YWHAZ: variants seen among roughly 807,000 people sequenced by gnomAD.
The protein encoded by YWHAZ is 14-3-3 protein zeta/delta.
For missense variants in YWHAZ, 79 were observed against 284.8 expected (o/e 0.28, Z 5.20); for synonymous variants, 87 against 103.6 (o/e 0.84, Z 0.97).
intron 2 of YWHAZ, among the ~76,000 whole-genome samples, chr8:100,933,643 G>A (rs545937311): frequency 6.6e-6 from 1 of 152,270 alleles, no homozygotes; most frequent in African/African-American, 2.4e-5. Context: ...TACATTGTCT[G>A]TACAGATAGT....
At chr8:100,925,647 A>C (rs1201102354) in intron 2 of YWHAZ, among the ~76,000 whole-genome samples, 1 of 152,230 alleles carries the variant, frequency 6.6e-6, no homozygotes, top group Admixed American at 6.5e-5. Flanking sequence ...GCAGACCTTT[A>C]ATCTCATTGA....
intron 2 of YWHAZ, among the ~76,000 whole-genome samples, chr8:100,945,386 A>C (rs1810192042): frequency 6.6e-6 from 1 of 152,210 alleles, no homozygotes; most frequent in Admixed American, 6.5e-5. Flanking sequence ...TTTTGTAGGA[A>C]GAAAGTTTAT....
At chr8:100,945,402 T>C (rs1317889342) in intron 2 of YWHAZ, among the ~76,000 whole-genome samples, 2 of 152,168 alleles carry the variant, frequency 1.3e-5, no homozygotes, top group Non-Finnish European at 1.5e-5. Flanking sequence ...TTTATTTTCA[T>C]AGCTATTATA....
intron 2 of YWHAZ, among the ~76,000 whole-genome samples, chr8:100,927,872 C>G (rs1813471946): frequency 6.6e-6 from 1 of 152,136 alleles, no homozygotes; most frequent in Admixed American, 6.5e-5. Flanking sequence ...TTGTTAGAAC[C>G]CACAAGTAAC....
In YWHAZ at chr8:100,948,320, ATTAGT is replaced by A. The variant is rs1417287973; in HGVS notation, c.294+271_294+275del. Among the ~76,000 whole-genome samples, 1 of 152,232 alleles carries A rather than the reference ATTAGT, an allele frequency of 6.6e-6. No individual in the cohort carries two copies. Among genetic ancestry groups the A allele is most frequent in the Non-Finnish European group, 1.5e-5 (1 of 68,036 alleles). On this transcript the variant is annotated intron_variant, in intron 2 of 5. Coordinates refer to ENST00000395958, the MANE Select transcript of YWHAZ (RefSeq NM_145690.3). The surrounding 1 kb of genome is among the most constrained non-coding windows in gnomAD (Gnocchi z 4.2). ...TAACCATAAGTAAAACAGTAACACA[ATTAGT>A]TTATATTTTCAATTAATATAAAATA...
intron 2 of YWHAZ, among the ~76,000 whole-genome samples, chr8:100,928,515 T>C (rs1813524663): frequency 6.6e-6 from 1 of 152,016 alleles, no homozygotes; most frequent in South Asian, 2.1e-4. Context: ...GTGGATCACC[T>C]GAGGTCAGGA....
chr8:100,948,017 G>T lies in YWHAZ; in HGVS notation c.294+579C>A. ...TACTTAAAATACTCGATTCAAACTG[G>T]AAAATCAAGCTTGAGTTGTTCATAA... On this transcript the variant is annotated intron_variant, in intron 2 of 5. Transcript: ENST00000395958. The surrounding 1 kb of genome is among the most constrained non-coding windows in gnomAD (Gnocchi z 4.2). 7.7e-7 allele frequency: 1 copy of T among 1,302,834 alleles called. No homozygotes were observed. The highest frequency in any genetic ancestry group is 1.3e-5 in the South Asian group (1 of 74,492). The allele number at this position is 1,302,834 out of a possible 1,614,324, so 80.7% of individuals were successfully genotyped here.
chr8:100,920,679 A>G lies in YWHAZ; in HGVS notation c.*14T>C, dbSNP rs201110733. On this transcript the variant is annotated 3_prime_UTR_variant, in exon 6 of 6. Coordinates refer to ENST00000395958, the MANE Select transcript of YWHAZ (RefSeq NM_145690.3). ...TAAATTTTAGAATGAGGCAGACAAA[A>G]GTTGGAAGGCCGGTTAATTTTCCCC... 6.8e-4 allele frequency: 1,087 copies of G among 1,598,694 alleles called. 2 individuals carry two copies. Among genetic ancestry groups the G allele is most frequent in the Non-Finnish European group, 8.6e-4 (1,008 of 1,169,116 alleles).
intron 2 of YWHAZ, among the ~76,000 whole-genome samples, chr8:100,940,051 A>AGACT (rs1403298614): frequency 7.3e-6 from 1 of 136,664 alleles, no homozygotes; most frequent in Non-Finnish European, 1.6e-5. Flanking sequence ...GGACAGAGCG[A>AGACT]GACTCCGTCT....
At chr8:100,934,817 C>G (rs1040306232) in intron 2 of YWHAZ, 32 of 152,178 alleles carry the variant, frequency 2.1e-4, no homozygotes, top group African/African-American at 7.5e-4. Context: ...TTACTTTGCA[C>G]ATAAATTCCC....
Position 100,929,659 on chromosome 8 carries a change from ATTCTAAGGGAAGTC to A in YWHAZ, c.295-4634_295-4621del, listed in dbSNP as rs202213457. ...ATTTTTGTACACGTGGTCTTTTTCA[ATTCTAAGGGAAGTC>A]AGAGTTCACAGAATTAATTTAATGG... On this transcript the variant is annotated intron_variant, in intron 2 of 5. Coordinates refer to ENST00000395958, the MANE Select transcript of YWHAZ (RefSeq NM_145690.3). Among the ~76,000 whole-genome samples the A allele has an allele frequency of 5.1e-3, 784 of 152,328 alleles. 7 individuals are homozygous for A. The highest frequency in any genetic ancestry group is 0.017 in the African/African-American group (714 of 41,558).
upstream of YWHAZ, chr8:100,952,882 T>C (rs1442041019): frequency 2.1e-5 from 21 of 1,000,210 alleles, no homozygotes; most frequent in Non-Finnish European, 2.4e-5. Flanking sequence ...CCTAGACCTT[T>C]TATGGCTCGG....
At chr8:100,952,289 T>C (rs1247849925), upstream of YWHAZ, 1 of 370,778 alleles carries the variant, frequency 2.7e-6, no homozygotes, top group East Asian at 1.6e-4. Context: ...CCAGCTCCTC[T>C]ACGCTTGTCC....
intron 2 of YWHAZ, among the ~76,000 whole-genome samples, chr8:100,933,442 C>A (rs1813900213): frequency 6.6e-6 from 1 of 151,952 alleles, no homozygotes; most frequent in Non-Finnish European, 1.5e-5. Context: ...GTCGGCATAT[C>A]ACTTTTAACA....
intron 1 of YWHAZ, chr8:100,950,434 C>G: frequency 1.0e-6 from 1 of 985,488 alleles, no homozygotes; most frequent in Non-Finnish European, 1.2e-6. Context: ...TACTGTGAAA[C>G]GAAAACGGGC....
intron 1 of YWHAZ, among the ~76,000 whole-genome samples, chr8:100,949,581 T>C (rs1810555084): frequency 1.3e-5 from 2 of 152,178 alleles, no homozygotes; most frequent in African/African-American, 2.4e-5. Context: ...CAACTCTTTA[T>C]CTTGTTATAT....
At chr8:100,951,458 G>A (rs1810772014) in intron 1 of YWHAZ, 34 of 984,760 alleles carry the variant, frequency 3.5e-5, no homozygotes, top group Non-Finnish European at 4.0e-5. Context: ...GGCCTCACCT[G>A]CGCCACTGCG....
intron 5 of YWHAZ, chr8:100,923,341 A>G (rs1813158036): frequency 6.6e-6 from 1 of 152,196 alleles, no homozygotes; most frequent in Admixed American, 6.5e-5. Flanking sequence ...AATCAACTGC[A>G]TTGTGGACTG....
intron 1 of YWHAZ, among the ~76,000 whole-genome samples, chr8:100,949,730 T>C (rs1810570200): frequency 6.6e-6 from 1 of 152,232 alleles, no homozygotes; most frequent in South Asian, 2.1e-4. Flanking sequence ...AAGTGCTGCA[T>C]TTTGCTTCTA....
Sources: allele counts gnomAD v4.1 joint callset (sites outside exome capture counted in the v4.1 genomes callset), GRCh38; gene constraint gnomAD v4.1.1; non-coding constraint Gnocchi (gnomAD v3.1); transcripts MANE v1.5; gene names NCBI Gene and HGNC (gene_info 2026-07-23, HGNC 2026-07-21).